The following TOX2 variants were observed in gnomAD, a reference collection of about 807,000 sequenced individuals.
The protein encoded by TOX2 is TOX high mobility group box family member 2, also known as granulosa cell HMG box 1.
In TOX2, 15 loss-of-function variants were observed where a neutral mutation model predicts 47.4. That is an observed-to-expected ratio of 0.32 (90% CI 0.21 to 0.49). TOX2 has a LOEUF of 0.49. TOX2 is among the 20% of genes least tolerant of loss of function. The pLI is 0.99. For missense variants in TOX2, 622 were observed against 673.1 expected, an observed-to-expected ratio of 0.92 and a Z score of 0.84; for synonymous variants, 290 against 296.6, an observed-to-expected ratio of 0.98 and a Z score of 0.23.
At chr20:44,026,891 A>G (rs1208822458) in intron 3 of TOX2, among the ~76,000 whole-genome samples, 4 of 152,068 alleles carry the variant, frequency 2.6e-5, no homozygotes, top group Non-Finnish European at 4.4e-5. Flanking sequence ...CTGGGAAAGG[A>G]TCTGGGAAGC....
intron 3 of TOX2, among the ~76,000 whole-genome samples, chr20:44,044,683 T>C (rs1478823468): frequency 6.6e-6 from 1 of 152,090 alleles, no homozygotes; most frequent in Non-Finnish European, 1.5e-5. Flanking sequence ...CTGGTGGGAA[T>C]TGAAGTGATA....
chr20:43,932,953 G>T (rs1316440269), intron 1 of TOX2, among the ~76,000 whole-genome samples: 1 of 152,146 alleles, frequency 6.6e-6, no homozygotes, highest in African/African-American at 2.4e-5. Context: ...CTGTCTGGTG[G>T]CAGGGGCAAA....
chr20:44,049,016 T>A (rs1445876430), intron 3 of TOX2, among the ~76,000 whole-genome samples: 1 of 152,206 alleles, frequency 6.6e-6, no homozygotes, highest in Non-Finnish European at 1.5e-5. Flanking sequence ...TGGTGCCACC[T>A]GTTGTCCCAG....
At chr20:44,041,405 C>G (rs986814527) in intron 3 of TOX2, among the ~76,000 whole-genome samples, 3 of 152,168 alleles carry the variant, frequency 2.0e-5, no homozygotes, top group African/African-American at 7.2e-5. Flanking sequence ...TAGCAGGCCT[C>G]AAATGAGAGG....
At chr20:43,952,669 A>G (rs1281389237) in intron 1 of TOX2, among the ~76,000 whole-genome samples, 1 of 152,192 alleles carries the variant, frequency 6.6e-6, no homozygotes, top group African/African-American at 2.4e-5. Context: ...GGGGAGCCTG[A>G]GGTGTAGTGT....
At chr20:44,066,259 G>A in intron 7 of TOX2, 152 bp downstream of exon 7, 2 of 868,178 alleles carry the variant, frequency 2.3e-6, no homozygotes, top group Non-Finnish European at 3.4e-6. Flanking sequence ...CATCTAGGAA[G>A]TGGGTCTCGC....
intron 3 of TOX2, among the ~76,000 whole-genome samples, chr20:44,035,853 A>AC: frequency 6.6e-6 from 1 of 152,340 alleles, no homozygotes; most frequent in South Asian, 2.1e-4. Flanking sequence ...CAGGAACGTC[A>AC]CCCATGAGAA....
At chr20:43,918,779 T>C (rs1357415359) in intron 1 of TOX2, among the ~76,000 whole-genome samples, 1 of 152,224 alleles carries the variant, frequency 6.6e-6, no homozygotes, top group Non-Finnish European at 1.5e-5. Context: ...GGAGCTATTA[T>C]AAGTAAAGCT....
intron 5 of TOX2, 77 bp downstream of exon 5, chr20:44,054,603 A>T: frequency 6.9e-7 from 1 of 1,457,886 alleles, no homozygotes; most frequent in South Asian, 1.2e-5. Context: ...TGAAGGTCTG[A>T]AACCAGGCCC....
intron 2 of TOX2, among the ~76,000 whole-genome samples, chr20:43,975,199 C>G (rs749427532): frequency 5.3e-5 from 8 of 152,116 alleles, no homozygotes; most frequent in Non-Finnish European, 1.0e-4. Context: ...TGGCAATGTC[C>G]TTCCACCAAG....
At chr20:44,043,604 A>G (rs970559937) in intron 3 of TOX2, among the ~76,000 whole-genome samples, 4 of 152,242 alleles carry the variant, frequency 2.6e-5, no homozygotes, top group African/African-American at 9.6e-5. Flanking sequence ...AACCGTCTAC[A>G]GAATTCCATT....
intron 3 of TOX2, among the ~76,000 whole-genome samples, chr20:44,040,369 G>T (rs1047958080): frequency 6.6e-6 from 1 of 152,188 alleles, no homozygotes; most frequent in Non-Finnish European, 1.5e-5. Flanking sequence ...GGCTGGAGAG[G>T]TGGTTGGACA....
At chr20:43,927,277 G>A (rs924884460) in intron 1 of TOX2, among the ~76,000 whole-genome samples, 5 of 152,022 alleles carry the variant, frequency 3.3e-5, no homozygotes, top group Admixed American at 6.6e-5. Context: ...GTTATGCTCC[G>A]CAATTAACAA....
intron 3 of TOX2, among the ~76,000 whole-genome samples, chr20:44,040,080 G>A (rs990069281): frequency 7.9e-5 from 12 of 152,202 alleles, no homozygotes; most frequent in Admixed American, 6.5e-5. Flanking sequence ...CTGGTAGAGT[G>A]TTCTAGAATG....
chr20:43,984,143 C>T (rs1256814897), intron 2 of TOX2, among the ~76,000 whole-genome samples: 1 of 152,138 alleles, frequency 6.6e-6, no homozygotes, highest in Non-Finnish European at 1.5e-5. Flanking sequence ...AGATTACAAA[C>T]AATCAAAGAG....
In TOX2 at chr20:44,031,631, G is replaced by A. The variant is rs6073291; in HGVS notation, c.412-19675G>A. 2.3e-3 allele frequency among the ~76,000 whole-genome samples: 355 copies of A among 152,204 alleles called. 1 individual carries two copies. Among genetic ancestry groups the A allele is most frequent in the Non-Finnish European group, 3.0e-3 (201 of 67,994 alleles). On this transcript the variant is annotated intron_variant, in intron 3 of 8. Coordinates refer to ENST00000341197, the MANE Select transcript of TOX2 (RefSeq NM_001098797.2). The stretch of plus-strand genomic sequence containing the variant: ...AGAACCAACCGAGAATACACCATGT[G>A]GCCTGTGGGAGTTACCCAAAAGCAC...
chr20:43,968,198 C>A (rs1259908681), intron 1 of TOX2, among the ~76,000 whole-genome samples: 7 of 152,190 alleles, frequency 4.6e-5, no homozygotes, highest in African/African-American at 1.7e-4. Context: ...TCCTTTACTC[C>A]TTCCTCCTTT....
intron 1 of TOX2, among the ~76,000 whole-genome samples, chr20:43,919,230 C>T (rs2069088185): frequency 6.6e-6 from 1 of 152,240 alleles, no homozygotes; most frequent in South Asian, 2.1e-4. Flanking sequence ...GCACTGTGCA[C>T]AGCAACTGAT....
Position 44,065,771 on chromosome 20 carries a change from C to T in TOX2, c.1020C>T (p.Leu340=), listed in dbSNP as rs2145800137. 1.2e-6 allele frequency: 2 copies of T among 1,609,168 alleles called. No individual in the cohort carries two copies. Among genetic ancestry groups the T allele is most frequent in the Non-Finnish European group, 1.7e-6 (2 of 1,176,124 alleles). ...AGGCAAACCCACCAGCCAAAATGCTCCCACCCAAGCAGCCCATGTATGCCA... is the reference window on the plus strand; with the variant it reads ...AGGCAAACCCACCAGCCAAAATGCTTCCACCCAAGCAGCCCATGTATGCCA... ...STQANPPAKM[L]PPKQPMYAMP... The change falls in exon 7 of 9, where the codon CTC becomes CTT. Residue 340 remains leucine, a synonymous_variant. Transcript: ENST00000341197.
Sources: allele counts gnomAD v4.1 joint callset (sites outside exome capture counted in the v4.1 genomes callset), GRCh38; gene constraint gnomAD v4.1.1; transcripts MANE v1.5; gene names NCBI Gene and HGNC (gene_info 2026-07-23, HGNC 2026-07-21).